The following ELOVL2 variants were observed in gnomAD, a reference collection of about 807,000 sequenced individuals.
ELOVL2 encodes very long chain fatty acid elongase 2.
ELOVL2 carries 38 observed loss-of-function variants against 37.7 expected under a neutral mutation model. The ratio of observed to expected loss-of-function variants is 1.01; its 90% CI spans 0.78 to 1.32. The LOEUF is 1.32. ELOVL2 is among the 40% of genes most tolerant of loss of function. The probability of loss-of-function intolerance (pLI) is 0.00; values close to 1 mark genes in which losing one functional copy is unlikely to be tolerated. For missense variants in ELOVL2, 352 were observed against 363.6 expected (o/e 0.97, Z 0.26); for synonymous variants, 115 against 122.3 (o/e 0.94, Z 0.40).
At chr6:11,005,308 G>C in intron 3 of ELOVL2, 64 bp downstream of exon 3, 1 of 1,427,462 alleles carries the variant, frequency 7.0e-7, no homozygotes, top group Non-Finnish European at 9.6e-7. Flanking sequence ...GGCTAGATGT[G>C]GTTGTTTCTG....
intron 7 of ELOVL2, among the ~76,000 whole-genome samples, chr6:10,989,165 T>C (rs957719350): frequency 5.3e-5 from 8 of 152,232 alleles, no homozygotes; most frequent in African/African-American, 1.7e-4. Context: ...TAAAACCTTA[T>C]GTGTATGCAT....
intron 7 of ELOVL2, among the ~76,000 whole-genome samples, chr6:10,986,111 T>G (rs573531097): frequency 1.3e-5 from 2 of 152,174 alleles, no homozygotes; most frequent in Non-Finnish European, 2.9e-5. Flanking sequence ...TTTGAAGCAA[T>G]TGTGAATGGG....
intron 1 of ELOVL2, among the ~76,000 whole-genome samples, chr6:11,018,711 G>T (rs1782720350): frequency 6.6e-6 from 1 of 152,160 alleles, no homozygotes; most frequent in African/African-American, 2.4e-5. Flanking sequence ...ACAGGCTATT[G>T]AAATTGGTTT....
At chr6:11,022,725 C>T (rs1367475925) in intron 1 of ELOVL2, among the ~76,000 whole-genome samples, 1 of 152,200 alleles carries the variant, frequency 6.6e-6, no homozygotes, top group South Asian at 2.1e-4. Flanking sequence ...AATATATTCA[C>T]GAAGCTTAAA....
At chr6:11,027,719 G>A (rs10456358) in intron 1 of ELOVL2, among the ~76,000 whole-genome samples, 1,882 of 146,170 alleles carry the variant, frequency 0.013, 17 homozygotes, top group Non-Finnish European at 0.021. Context: ...CTAAGATAAG[G>A]AAATTCAACT....
At chr6:11,009,283 A>T (rs1489282630) in intron 2 of ELOVL2, among the ~76,000 whole-genome samples, 1 of 152,200 alleles carries the variant, frequency 6.6e-6, no homozygotes, top group African/African-American at 2.4e-5. Flanking sequence ...CCCTGTAGGT[A>T]CCATGCTTTT....
chr6:11,044,296 C>T lies in ELOVL2; in HGVS notation c.-66G>A, dbSNP rs1015115631. On this transcript the variant is annotated 5_prime_UTR_variant, in exon 1 of 8. Coordinates refer to ENST00000354666, the MANE Select transcript of ELOVL2 (RefSeq NM_017770.4). This position sits in a 1 kb window ranked among gnomAD's most constrained non-coding sequence, Gnocchi z 5.6. ...GATGCGCTGTCCAGGGTAGCCGGGTCCCTCTGCCCGGCGCTATCTCGGCGC... is the reference window on the plus strand; with the variant it reads ...GATGCGCTGTCCAGGGTAGCCGGGTTCCTCTGCCCGGCGCTATCTCGGCGC... The T allele has an allele frequency of 2.1e-5, 26 of 1,232,300 alleles. No homozygotes were observed. The highest frequency in any genetic ancestry group is 8.9e-5 in the Admixed American group (2 of 22,432). 76.3% of individuals were successfully genotyped at this position (1,232,300 alleles called of 1,614,324 possible). A position where few individuals can be genotyped will look rare whatever the true frequency, so the allele number is the denominator to read the frequency against.
intron 7 of ELOVL2, among the ~76,000 whole-genome samples, chr6:10,987,160 A>G (rs577332338): frequency 6.6e-6 from 1 of 152,176 alleles, no homozygotes; most frequent in African/African-American, 2.4e-5. Context: ...GTATTCTCTG[A>G]TGGTAGTTTG....
chr6:11,042,005 T>C (rs112692378), intron 1 of ELOVL2, among the ~76,000 whole-genome samples: 1 of 151,936 alleles, frequency 6.6e-6, no homozygotes, highest in African/African-American at 2.4e-5. Flanking sequence ...CTGCCCATTT[T>C]TTTTTTAAAG....
intron 1 of ELOVL2, among the ~76,000 whole-genome samples, chr6:11,011,430 G>A (rs1053375920): frequency 2.6e-5 from 4 of 151,690 alleles, no homozygotes; most frequent in African/African-American, 9.7e-5. Flanking sequence ...CCTCTAAAAT[G>A]CTTATAGGCA....
Position 10,983,160 on chromosome 6 carries a change from C to A in ELOVL2, c.*621G>T, listed in dbSNP as rs1293664503. ...GAATAACTAATATTTAAAATAAATA[C>A]CAATTTCATTACCATATCACTAAAT... On this transcript the variant is annotated 3_prime_UTR_variant, in exon 8 of 8. Coordinates refer to ENST00000354666, the MANE Select transcript of ELOVL2 (RefSeq NM_017770.4). The A allele has an allele frequency of 6.6e-6, 1 of 152,114 alleles. No homozygotes were observed. Among genetic ancestry groups the A allele is most frequent in the East Asian group, 1.9e-4 (1 of 5,204 alleles). The allele number at this position is 152,114 out of a possible 1,614,324, so 9.4% of individuals were successfully genotyped here. A position where few individuals can be genotyped will look rare whatever the true frequency, so the allele number is the denominator to read the frequency against.
chr6:11,022,374 T>C (rs1782776786), intron 1 of ELOVL2, among the ~76,000 whole-genome samples: 1 of 152,092 alleles, frequency 6.6e-6, no homozygotes, highest in African/African-American at 2.4e-5. Flanking sequence ...GGTCAGTGGA[T>C]ATGGGGGTCT....
At chr6:11,020,424 G>C (rs187874664) in intron 1 of ELOVL2, among the ~76,000 whole-genome samples, 1 of 152,280 alleles carries the variant, frequency 6.6e-6, no homozygotes, top group African/African-American at 2.4e-5. Context: ...ATAAGCGTTT[G>C]GATAAATCTT....
At chr6:11,022,806 T>C (rs923967275) in intron 1 of ELOVL2, among the ~76,000 whole-genome samples, 1 of 148,412 alleles carries the variant, frequency 6.7e-6, no homozygotes, top group African/African-American at 2.6e-5. Flanking sequence ...TACTAAATAA[T>C]GACTATCATA....
chr6:11,005,564 A>G lies in ELOVL2; in HGVS notation c.68-5T>C, dbSNP rs1267382742. 4 of 1,610,990 alleles carry G rather than the reference A, an allele frequency of 2.5e-6. No homozygotes were observed. Among genetic ancestry groups the G allele is most frequent in the Non-Finnish European group, 3.4e-6 (4 of 1,178,318 alleles). On this transcript the variant is annotated splice_region_variant and splice_polypyrimidine_tract_variant and intron_variant, in intron 2 of 7. Transcript: ENST00000354666. ...ACCACCCTCTGACTCGAGAATCTGA[A>G]AAGAAACACATACAGTGAGGATCCT...
In ELOVL2 at chr6:11,017,236, T is replaced by C. The variant is rs570452814; in HGVS notation, c.4-6427A>G. 2.5e-4 allele frequency among the ~76,000 whole-genome samples: 38 copies of C among 152,312 alleles called. No individual in the cohort carries two copies. The South Asian group carries it at 7.5e-3, about 30-fold the overall frequency. On this transcript the variant is annotated intron_variant, in intron 1 of 7. Coordinates refer to ENST00000354666, the MANE Select transcript of ELOVL2 (RefSeq NM_017770.4). ...GTGTCAGGCACCTGATACATACTCT[T>C]TATGGTTGTCACAATAACCTTGCAA...
In ELOVL2 at chr6:10,983,888, T is replaced by A. The variant is rs367685105; in HGVS notation, c.784A>T (p.Met262Leu). 1.2e-6 allele frequency: 2 copies of A among 1,612,984 alleles called. No individual in the cohort carries two copies. Among genetic ancestry groups the A allele is most frequent in the East Asian group, 4.5e-5 (2 of 44,864 alleles). Residue 262 changes from methionine (M) to leucine (L), a missense_variant, in exon 8 of 8, where the codon ATG (methionine) becomes TTG (leucine). By Grantham distance (15) the Met-to-Leu change is conservative. Transcript: ENST00000354666. ...GGTGGCTCTTGCATATCTTTCTTCA[T>A]TGGCTTTTTTCGGTATGTCTGTTGG... Reference protein sequence around the residue: ...FYVQTYRKKPMKKDMQEPPAG... With the variant: ...FYVQTYRKKPLKKDMQEPPAG...
chr6:11,039,857 C>T (rs1240363796), intron 1 of ELOVL2, among the ~76,000 whole-genome samples: 3 of 152,088 alleles, frequency 2.0e-5, no homozygotes, highest in Admixed American at 6.6e-5. Flanking sequence ...GTAGGAATAA[C>T]CTATAAAATA....
At chr6:10,999,744 C>T (rs1362502097) in intron 4 of ELOVL2, among the ~76,000 whole-genome samples, 2 of 152,172 alleles carry the variant, frequency 1.3e-5, no homozygotes, top group Admixed American at 1.3e-4. Context: ...TACACATACA[C>T]ATTCATATCA....
Sources: gnomAD v4.1 joint callset for allele counts (sites outside exome capture counted in the v4.1 genomes callset) on GRCh38, gnomAD v4.1.1 for gene constraint, Gnocchi (gnomAD v3.1) non-coding constraint, MANE v1.5 for transcripts, NCBI Gene and HGNC (gene_info 2026-07-23, HGNC 2026-07-21) for gene names.